SOST: variants seen among roughly 807,000 people sequenced by gnomAD.
SOST encodes the protein sclerostin, also known as sclerosteosis.
A neutral mutation model predicts 16.7 loss-of-function variants in SOST; 14 were observed. The ratio of observed to expected loss-of-function variants is 0.84; its 90% CI spans 0.55 to 1.31. The LOEUF is 1.31. Among genes scored for constraint, SOST ranks in the 50% most tolerant of loss-of-function variants. The pLI is 0.00. For synonymous variants in SOST, 150 were observed against 140.9 expected (o/e 1.06, Z -0.46); for missense variants, 291 against 310.7 (o/e 0.94, Z 0.48).
intron 1 of SOST, among the ~76,000 whole-genome samples, chr17:43,757,311 A>G (rs1323500154): frequency 2.6e-5 from 4 of 152,226 alleles, no homozygotes; most frequent in African/African-American, 9.6e-5. Flanking sequence ...ACAGCCCTTC[A>G]GGCAGTCGCT....
At chr17:43,757,486 G>A (rs145538043) in intron 1 of SOST, among the ~76,000 whole-genome samples, 118 of 152,270 alleles carry the variant, frequency 7.7e-4, no homozygotes, top group Non-Finnish European at 9.9e-4. Flanking sequence ...CCAGGAGCCT[G>A]GGCAGTGGAC....
intron 1 of SOST, among the ~76,000 whole-genome samples, chr17:43,756,593 TG>T (rs532276883): frequency 7.4e-4 from 113 of 152,254 alleles, no homozygotes; most frequent in African/African-American, 2.6e-3. Context: ...CGAGCATCCA[TG>T]GGAGGCTGGG....
chr17:43,758,454 C>T, intron 1 of SOST, 68 bp downstream of exon 1: 3 of 1,287,148 alleles, frequency 2.3e-6, no homozygotes, highest in South Asian at 2.5e-5. Context: ...TCTTCCAAGC[C>T]TCCCAAAGAG....
chr17:43,756,548 C>T (rs981420989), intron 1 of SOST, among the ~76,000 whole-genome samples: 27 of 152,168 alleles, frequency 1.8e-4, no homozygotes, highest in African/African-American at 6.3e-4. Flanking sequence ...GGTCCCAGCA[C>T]CTTTTGGCTC....
Position 43,758,721 on chromosome 17 carries a change from C to T in SOST, c.21G>A (p.Leu7=), listed in dbSNP as rs1014440545. 4 of 1,613,624 alleles carry T rather than the reference C, an allele frequency of 2.5e-6. No individual in the cohort carries two copies. The highest frequency in any genetic ancestry group is 3.4e-6 in the Non-Finnish European group (4 of 1,180,040). The change falls in exon 1 of 2, where the codon CTG becomes CTA. Residue 7 remains leucine (L), a synonymous_variant. Transcript: ENST00000301691. MQLPLA[L]CLVCLLVHTA... is the part of the protein sequence containing the mutation. Reference sequence around the variant, plus strand: ...TGTGTACCAGCAGGCAGACGAGACACAGGGCCAGTGGGAGCTGCATGGTAC... The same window carrying T: ...TGTGTACCAGCAGGCAGACGAGACATAGGGCCAGTGGGAGCTGCATGGTAC...
In SOST at chr17:43,755,533, C is replaced by T. The variant is rs1259766560; in HGVS notation, c.451G>A (p.Gly151Ser). ...ACCTTGCGCGCGCGCGGCGCCTCAC[C>T]ACCGGGACACAGCAGCTGCACGCGC... ...AQRVQLLCPG[G>S]EAPRARKVRL... is the part of the protein sequence containing the mutation. Residue 151 changes from glycine to serine, a missense_variant, in exon 2 of 2, where the codon GGT (glycine) becomes AGT (serine). Transcript: ENST00000301691. The surrounding 1 kb of genome is among the most constrained non-coding windows in gnomAD (Gnocchi z 4.3). 3.1e-6 allele frequency: 5 copies of T among 1,596,984 alleles called. No individual in the cohort carries two copies. The highest frequency in any genetic ancestry group is 2.7e-5 in the African/African-American group (2 of 73,862).
chr17:43,754,521 T>G lies in SOST; in HGVS notation c.*821A>C, dbSNP rs1434843257. On this transcript the variant is annotated 3_prime_UTR_variant, in exon 2 of 2. Transcript: ENST00000301691. ...AGCCAGGCTGGGAAGCAGCATAGCTTCTTCCAGGAGTTTGTCAGCCGTAAA... is the reference window on the plus strand; with the variant it reads ...AGCCAGGCTGGGAAGCAGCATAGCTGCTTCCAGGAGTTTGTCAGCCGTAAA... The G allele has an allele frequency of 1.3e-5, 2 of 152,074 alleles. No homozygotes were observed. The highest frequency in any genetic ancestry group is 2.9e-5 in the Non-Finnish European group (2 of 68,012). 9.4% of individuals were successfully genotyped at this position (152,074 alleles called of 1,614,324 possible). A position where few individuals can be genotyped will look rare whatever the true frequency, so the allele number is the denominator to read the frequency against.
At chr17:43,756,329 A>G (rs1229721243) in intron 1 of SOST, among the ~76,000 whole-genome samples, 1 of 152,034 alleles carries the variant, frequency 6.6e-6, no homozygotes. Context: ...AGAAAGGAGT[A>G]GAGGTTAATT....
At chr17:43,757,663 C>G (rs776184483) in intron 1 of SOST, among the ~76,000 whole-genome samples, 1 of 152,170 alleles carries the variant, frequency 6.6e-6, no homozygotes, top group Non-Finnish European at 1.5e-5. Context: ...GTTCCTCTTC[C>G]TTCTCCCTCC....
Position 43,755,545 on chromosome 17 carries a change from G to A in SOST, c.439C>T (p.Leu147=), listed in dbSNP as rs1227335333. ...DRYRAQRVQL[L]CPGGEAPRAR... is the part of the protein sequence containing the mutation. ...CGCGGCGCCTCACCACCGGGACACA[G>A]CAGCTGCACGCGCTGCGCGCGGTAG... The change falls in exon 2 of 2, where the codon CTG becomes TTG. Residue 147 remains leucine, a synonymous_variant. Transcript: ENST00000301691. The surrounding 1 kb of genome is among the most constrained non-coding windows in gnomAD (Gnocchi z 4.3). The A allele has an allele frequency of 1.3e-6, 2 of 1,595,286 alleles. No homozygotes were observed. The highest frequency in any genetic ancestry group is 1.7e-5 in the Admixed American group (1 of 59,518).
In SOST at chr17:43,755,743, G is replaced by A. The variant is rs1248654294; in HGVS notation, c.241C>T (p.Arg81Cys). The change falls in exon 2 of 2, where the codon CGC becomes TGC. Residue 81 changes from arginine (R) to cysteine (C), a missense_variant. By Grantham distance (180) the Arg-to-Cys change is radical. Coordinates refer to ENST00000301691, the MANE Select transcript of SOST (RefSeq NM_025237.3). This position sits in a 1 kb window ranked among gnomAD's most constrained non-coding sequence, Gnocchi z 4.3. ...ACGTAGCGGGTGAAGTGCAGCTCGC[G>A]GCAGCTGTACTCGGACACGTCTGTG... is the stretch of plus-strand genomic sequence containing the variant. ...ETKDVSEYSC[R>C]ELHFTRYVTD... The A allele has an allele frequency of 1.3e-6, 2 of 1,580,796 alleles. No homozygotes were observed. The highest frequency in any genetic ancestry group is 2.3e-5 in the East Asian group (1 of 43,646).
chr17:43,758,746 C>G lies in SOST; in HGVS notation c.-5G>C. 6.2e-7 allele frequency: 1 copy of G among 1,611,840 alleles called. No homozygotes were observed. Among genetic ancestry groups the G allele is most frequent in the Non-Finnish European group, 8.5e-7 (1 of 1,179,636 alleles). On this transcript the variant is annotated 5_prime_UTR_variant, in exon 1 of 2. Coordinates refer to ENST00000301691, the MANE Select transcript of SOST (RefSeq NM_025237.3). ...CAGGGCCAGTGGGAGCTGCATGGTA[C>G]CAGCCAGAGGAGGGCACGCCACCTT...
rs909307441 is a variant in SOST, at chr17:43,754,228, G to A, written c.*1114C>T. On this transcript the variant is annotated 3_prime_UTR_variant, in exon 2 of 2. Transcript: ENST00000301691. ...GTCCGTGAGTGGTGGGCAGAAGGCG[G>A]TGTCTCAAAAGGGATGTGCTGGTCT... is the stretch of plus-strand genomic sequence containing the variant. 1.3e-5 allele frequency: 2 copies of A among 152,294 alleles called. No homozygotes were observed. Among genetic ancestry groups the A allele is most frequent in the Non-Finnish European group, 2.9e-5 (2 of 68,060 alleles). 9.4% of individuals were successfully genotyped at this position (152,294 alleles called of 1,614,324 possible).
chr17:43,758,149 C>T (rs750670776), intron 1 of SOST, among the ~76,000 whole-genome samples: 4 of 152,156 alleles, frequency 2.6e-5, no homozygotes, highest in Non-Finnish European at 4.4e-5. Flanking sequence ...GCTCCCTTAC[C>T]TTGTTCCCTT....
Position 43,755,115 on chromosome 17 carries a change from G to T in SOST, c.*227C>A. On this transcript the variant is annotated 3_prime_UTR_variant, in exon 2 of 2. Transcript: ENST00000301691. The surrounding 1 kb of genome is among the most constrained non-coding windows in gnomAD (Gnocchi z 4.3). The stretch of plus-strand genomic sequence containing the variant: ...CGGGGCTGCGTGGCTCAGTGTCTGT[G>T]ACTCTCAATTCCCTCCCCTGCCCCG... 1 of 509,866 alleles carries T rather than the reference G, an allele frequency of 2.0e-6. No individual in the cohort carries two copies. Among genetic ancestry groups the T allele is most frequent in the Non-Finnish European group, 3.4e-6 (1 of 295,410 alleles). 31.6% of individuals were successfully genotyped at this position (509,866 alleles called of 1,614,324 possible).
intron 1 of SOST, among the ~76,000 whole-genome samples, chr17:43,758,311 C>T (rs1384154921): frequency 2.0e-5 from 3 of 152,164 alleles, no homozygotes. Flanking sequence ...CTCTCACCAG[C>T]GTCTGTTGCC....
At chr17:43,758,169 A>G (rs1263454426) in intron 1 of SOST, among the ~76,000 whole-genome samples, 1 of 152,100 alleles carries the variant, frequency 6.6e-6, no homozygotes, top group Non-Finnish European at 1.5e-5. Flanking sequence ...TCCCAGTGGT[A>G]CCAGCAGCTG....
chr17:43,756,185 C>A (rs1974129187), intron 1 of SOST, among the ~76,000 whole-genome samples: 1 of 152,174 alleles, frequency 6.6e-6, no homozygotes, highest in Admixed American at 6.5e-5. Flanking sequence ...CTGGGGTCTT[C>A]TTATGATTTA....
intron 1 of SOST, among the ~76,000 whole-genome samples, chr17:43,757,580 T>G (rs1974144694): frequency 6.6e-6 from 1 of 152,102 alleles, no homozygotes; most frequent in South Asian, 2.1e-4. Flanking sequence ...GGCCTCAGGA[T>G]TCCTGCCAAT....
Sources: gnomAD v4.1 joint callset for allele counts (sites outside exome capture counted in the v4.1 genomes callset) on GRCh38, gnomAD v4.1.1 for gene constraint, Gnocchi (gnomAD v3.1) non-coding constraint, MANE v1.5 for transcripts, NCBI Gene and HGNC (gene_info 2026-07-23, HGNC 2026-07-21) for gene names.